Variants in CSMD1 observed in about 807,000 individuals in gnomAD.
CSMD1 encodes the protein CUB and Sushi multiple domains 1, also known as CUB and sushi domain-containing protein 1.
CSMD1 carries 213 observed loss-of-function variants against 417.5 expected under a neutral mutation model. That is an observed-to-expected ratio of 0.51 (90% CI 0.46 to 0.57). The LOEUF is 0.57. Ranked by LOEUF, CSMD1 falls within the 20% of genes least tolerant of loss-of-function variation. The pLI, the probability that CSMD1 is intolerant of heterozygous loss-of-function variation, is 0.00. For synonymous variants in CSMD1, 2,862 were observed against 1,736.8 expected (o/e 1.65, Z -16.11); for missense variants, 6,923 against 4,529.7 (o/e 1.53, Z -15.17).
intron 5 of CSMD1, among the ~76,000 whole-genome samples, chr8:3,874,128 T>TAC (rs1805660273): frequency 6.6e-6 from 1 of 152,198 alleles, no homozygotes; most frequent in Non-Finnish European, 1.5e-5. Flanking sequence ...CCAGGAGGCC[T>TAC]ACCCCTTCCC....
chr8:3,918,484 T>C (rs752894146), intron 5 of CSMD1, among the ~76,000 whole-genome samples: 3 of 152,224 alleles, frequency 2.0e-5, no homozygotes, highest in Non-Finnish European at 2.9e-5. Context: ...TGGACGTTTG[T>C]ATGTCTTTGC....
chr8:4,083,930 G>A (rs377027354), intron 3 of CSMD1, among the ~76,000 whole-genome samples: 23 of 152,028 alleles, frequency 1.5e-4, no homozygotes, highest in African/African-American at 3.6e-4. Context: ...GAAAACTTTC[G>A]CAACCTACTC....
At chr8:4,251,021 T>C (rs1298867700) in intron 3 of CSMD1, among the ~76,000 whole-genome samples, 1 of 152,192 alleles carries the variant, frequency 6.6e-6, no homozygotes, top group Non-Finnish European at 1.5e-5. Context: ...GACAAGCATA[T>C]TTTTAGATAC....
At chr8:4,712,175 C>G (rs1808347859) in intron 1 of CSMD1, among the ~76,000 whole-genome samples, 1 of 152,190 alleles carries the variant, frequency 6.6e-6, no homozygotes, top group African/African-American at 2.4e-5. Flanking sequence ...TATTTCATTT[C>G]TTCAGGCTCA....
rs570850841 is a variant in CSMD1, at chr8:4,645,725, C to A, written c.86-8167G>T. Among the ~76,000 whole-genome samples the A allele has an allele frequency of 3.3e-5, 5 of 152,110 alleles. No individual in the cohort carries two copies. In the South Asian group the frequency reaches 1.0e-3, roughly 32 times the overall value. On this transcript the variant is annotated intron_variant, in intron 1 of 69. Transcript: ENST00000635120. ...TACAAAGGAATATTTAGCTAGAGGGCCTCCTAATTGCAAGAGAATTTTACG... is the reference window on the plus strand; with the variant it reads ...TACAAAGGAATATTTAGCTAGAGGGACTCCTAATTGCAAGAGAATTTTACG...
chr8:3,166,903 A>C (rs571160125), intron 37 of CSMD1, among the ~76,000 whole-genome samples: 81 of 152,340 alleles, frequency 5.3e-4, no homozygotes, highest in Non-Finnish European at 6.8e-4. Context: ...CAAGAGAAAT[A>C]ATTTGTACTT....
chr8:3,440,236 T>C (rs1814883927), intron 12 of CSMD1, among the ~76,000 whole-genome samples: 1 of 152,188 alleles, frequency 6.6e-6, no homozygotes, highest in Non-Finnish European at 1.5e-5. Flanking sequence ...TGTATATCAA[T>C]TTGGGAGATT....
intron 25 of CSMD1, among the ~76,000 whole-genome samples, chr8:3,297,505 G>A (rs377182331): frequency 6.6e-6 from 1 of 152,104 alleles, no homozygotes; most frequent in African/African-American, 2.4e-5. Flanking sequence ...TTTGGAAACA[G>A]ATCTGCATAG....
chr8:4,401,866 C>A (rs527884966), intron 3 of CSMD1, among the ~76,000 whole-genome samples: 4 of 152,220 alleles, frequency 2.6e-5, no homozygotes, highest in African/African-American at 9.6e-5. Flanking sequence ...CCCCCAAATT[C>A]CCAGCTTTGA....
chr8:4,550,508 C>T (rs188790306), intron 2 of CSMD1, among the ~76,000 whole-genome samples: 8 of 152,046 alleles, frequency 5.3e-5, no homozygotes, highest in South Asian at 2.1e-4. Flanking sequence ...TTTAACTGTG[C>T]GGAAGCTGTT....
intron 1 of CSMD1, among the ~76,000 whole-genome samples, chr8:4,943,611 T>C (rs1388403392): frequency 6.6e-6 from 1 of 152,184 alleles, no homozygotes; most frequent in Non-Finnish European, 1.5e-5. Context: ...ATCTCATATA[T>C]CAAATGAAAA....
chr8:3,691,865 G>T (rs1800264342), intron 7 of CSMD1, among the ~76,000 whole-genome samples: 1 of 152,148 alleles, frequency 6.6e-6, no homozygotes, highest in South Asian at 2.1e-4. Context: ...TTTTCAGGCA[G>T]AATTTGAATC....
chr8:4,323,618 A>C (rs1563453832), intron 3 of CSMD1, among the ~76,000 whole-genome samples: 1 of 152,196 alleles, frequency 6.6e-6, no homozygotes, highest in Non-Finnish European at 1.5e-5. Context: ...AGTGCGACAG[A>C]AACCAGAAGA....
chr8:3,757,374 G>A (rs1797717103), intron 5 of CSMD1, among the ~76,000 whole-genome samples: 1 of 152,184 alleles, frequency 6.6e-6, no homozygotes, highest in African/African-American at 2.4e-5. Context: ...ATGGCAGTGG[G>A]TGTGTTCCAA....
At chr8:4,242,593 C>G (rs181425585) in intron 3 of CSMD1, among the ~76,000 whole-genome samples, 1 of 152,142 alleles carries the variant, frequency 6.6e-6, no homozygotes, top group Non-Finnish European at 1.5e-5. Context: ...ATGAATGTAT[C>G]TACAAATAAA....
At chr8:4,387,671 T>C (rs1803547796) in intron 3 of CSMD1, among the ~76,000 whole-genome samples, 1 of 147,340 alleles carries the variant, frequency 6.8e-6, no homozygotes, top group African/African-American at 2.5e-5. Flanking sequence ...ACTACATCAA[T>C]TAAGGGCTTT....
intron 5 of CSMD1, among the ~76,000 whole-genome samples, chr8:3,980,373 T>G (rs12677913): frequency 0.41 from 62,842 of 151,886 alleles, 13,653 homozygotes; most frequent in East Asian, 0.56. Context: ...ACGCGGTATT[T>G]TAAGTGTTGA....
intron 2 of CSMD1, among the ~76,000 whole-genome samples, chr8:4,482,715 G>C (rs1801165114): frequency 6.6e-6 from 1 of 152,186 alleles, no homozygotes; most frequent in Non-Finnish European, 1.5e-5. Context: ...CCCACCAACA[G>C]TGTAAAAGGA....
At chr8:3,671,450 TATATAATCATACAC>T (rs1220367730) in intron 7 of CSMD1, among the ~76,000 whole-genome samples, 15 of 144,256 alleles carry the variant, frequency 1.0e-4, no homozygotes, top group Middle Eastern at 3.6e-3. Flanking sequence ...TATAATCATA[TATATAATCATACAC>T]ATATAATCAT....
Sources: gnomAD v4.1 joint callset for allele counts (sites outside exome capture counted in the v4.1 genomes callset) on GRCh38, gnomAD v4.1.1 for gene constraint, MANE v1.5 for transcripts, NCBI Gene and HGNC (gene_info 2026-07-23, HGNC 2026-07-21) for gene names.